KCTD8: variants seen among roughly 807,000 people sequenced by gnomAD.
The protein encoded by KCTD8 is potassium channel tetramerization domain containing 8.
KCTD8 carries 27 observed loss-of-function variants against 31.5 expected under a neutral mutation model. The ratio of observed to expected loss-of-function variants is 0.86; its 90% CI spans 0.63 to 1.18. The LOEUF (loss-of-function observed/expected upper bound fraction) is 1.18. Ranked by LOEUF, KCTD8 falls within the 50% of genes most tolerant of loss-of-function variation. KCTD8 has a pLI of 0.00. For synonymous variants in KCTD8, 290 were observed against 280.0 expected, an observed-to-expected ratio of 1.04 and a Z score of -0.36; for missense variants, 658 against 647.7, an observed-to-expected ratio of 1.02 and a Z score of -0.17.
intron 1 of KCTD8, among the ~76,000 whole-genome samples, chr4:44,280,454 A>T (rs1242893683): frequency 6.6e-6 from 1 of 152,032 alleles, no homozygotes; most frequent in Non-Finnish European, 1.5e-5. Flanking sequence ...CAAATTTAAG[A>T]CCATTCAAAC....
chr4:44,320,498 C>G (rs1295772553), intron 1 of KCTD8, among the ~76,000 whole-genome samples: 1 of 152,106 alleles, frequency 6.6e-6, no homozygotes, highest in Non-Finnish European at 1.5e-5. Context: ...ATAGCTATGC[C>G]TACTCATTGG....
At chr4:44,220,992 T>A (rs1471593343) in intron 1 of KCTD8, among the ~76,000 whole-genome samples, 1 of 152,178 alleles carries the variant, frequency 6.6e-6, no homozygotes, top group East Asian at 1.9e-4. Context: ...AAATCCATCA[T>A]CCTGATATGA....
At chr4:44,365,408 T>C (rs1719605745) in intron 1 of KCTD8, among the ~76,000 whole-genome samples, 1 of 152,098 alleles carries the variant, frequency 6.6e-6, no homozygotes, top group Non-Finnish European at 1.5e-5. Context: ...TTTCAATGTG[T>C]ATAAAGAAAG....
At chr4:44,346,621 C>T (rs571240775) in intron 1 of KCTD8, among the ~76,000 whole-genome samples, 1 of 152,160 alleles carries the variant, frequency 6.6e-6, no homozygotes, top group South Asian at 2.1e-4. Flanking sequence ...TATGCACATA[C>T]AAATGTCACC....
At chr4:44,214,439 A>C (rs536364887) in intron 1 of KCTD8, among the ~76,000 whole-genome samples, 11 of 152,364 alleles carry the variant, frequency 7.2e-5, no homozygotes, top group African/African-American at 2.4e-4. Context: ...GTTCTGCTTA[A>C]AGAGGAAACC....
At chr4:44,353,273 T>C (rs1719258920) in intron 1 of KCTD8, among the ~76,000 whole-genome samples, 1 of 152,090 alleles carries the variant, frequency 6.6e-6, no homozygotes. Context: ...ATCACTGTAG[T>C]TGTGTGTATC....
intron 1 of KCTD8, among the ~76,000 whole-genome samples, chr4:44,186,075 CG>C: frequency 6.6e-6 from 1 of 152,250 alleles, no homozygotes; most frequent in Middle Eastern, 3.4e-3. Context: ...TGGCCTGTCA[CG>C]CCCCAATCCT....
At chr4:44,322,962 G>C (rs1030751166) in intron 1 of KCTD8, among the ~76,000 whole-genome samples, 1 of 152,010 alleles carries the variant, frequency 6.6e-6, no homozygotes, top group Non-Finnish European at 1.5e-5. Context: ...TATTATGCCA[G>C]TACCATGCTA....
At chr4:44,257,578 T>C (rs1716024999) in intron 1 of KCTD8, among the ~76,000 whole-genome samples, 1 of 152,034 alleles carries the variant, frequency 6.6e-6, no homozygotes, top group Non-Finnish European at 1.5e-5. Context: ...TATTTTTCCC[T>C]ATGTCCCTAT....
intron 1 of KCTD8, among the ~76,000 whole-genome samples, chr4:44,298,559 G>T (rs938350989): frequency 1.3e-5 from 2 of 152,134 alleles, no homozygotes; most frequent in Admixed American, 1.3e-4. Context: ...CACCTGAGGG[G>T]AAGAGCTGAC....
intron 1 of KCTD8, among the ~76,000 whole-genome samples, chr4:44,287,877 A>G (rs1717148219): frequency 6.6e-6 from 1 of 152,234 alleles, no homozygotes; most frequent in Non-Finnish European, 1.5e-5. Context: ...ATGTTTCTGC[A>G]TTCATTCAAG....
chr4:44,235,563 A>G (rs1446448436), intron 1 of KCTD8, among the ~76,000 whole-genome samples: 1 of 73,426 alleles, frequency 1.4e-5, no homozygotes, highest in Non-Finnish European at 2.6e-5. Context: ...ATATATATAT[A>G]TATATATATA....
At chr4:44,259,220 T>C (rs1321142419) in intron 1 of KCTD8, among the ~76,000 whole-genome samples, 1 of 151,828 alleles carries the variant, frequency 6.6e-6, no homozygotes. Context: ...GTGGTTTTTT[T>C]TTCAGAGTGG....
intron 1 of KCTD8, among the ~76,000 whole-genome samples, chr4:44,200,893 C>A (rs1319372961): frequency 6.8e-6 from 1 of 147,406 alleles, no homozygotes; most frequent in East Asian, 2.1e-4. Context: ...ATGATATGAT[C>A]TATACAGAGA....
intron 1 of KCTD8, among the ~76,000 whole-genome samples, chr4:44,297,408 A>G (rs951634019): frequency 2.0e-5 from 3 of 152,112 alleles, no homozygotes; most frequent in African/African-American, 7.2e-5. Context: ...TTTTTCACAT[A>G]TAAATAGATA....
intron 1 of KCTD8, among the ~76,000 whole-genome samples, chr4:44,298,406 G>C (rs1577600733): frequency 6.7e-6 from 1 of 149,752 alleles, no homozygotes; most frequent in Admixed American, 6.7e-5. Context: ...CTAATGATCT[G>C]CCCCCCCCAC....
At chr4:44,435,953 A>C (rs1382250090) in intron 1 of KCTD8, among the ~76,000 whole-genome samples, 1 of 152,144 alleles carries the variant, frequency 6.6e-6, no homozygotes, top group Non-Finnish European at 1.5e-5. Flanking sequence ...TTCTTCAGGG[A>C]AAGTTCTTCC....
At chr4:44,348,214 A>G (rs773250669) in intron 1 of KCTD8, among the ~76,000 whole-genome samples, 4 of 152,220 alleles carry the variant, frequency 2.6e-5, no homozygotes, top group Non-Finnish European at 4.4e-5. Flanking sequence ...ATAAAATGGC[A>G]CAGTTAATTG....
intron 1 of KCTD8, among the ~76,000 whole-genome samples, chr4:44,400,211 A>G (rs1261112482): frequency 6.6e-6 from 1 of 152,190 alleles, no homozygotes; most frequent in Admixed American, 6.5e-5. Flanking sequence ...AAATTCTAAA[A>G]TAATGGCTTG....
Sources: allele counts gnomAD v4.1 joint callset (sites outside exome capture counted in the v4.1 genomes callset), GRCh38; gene constraint gnomAD v4.1.1; transcripts MANE v1.5; gene names NCBI Gene and HGNC (gene_info 2026-07-23, HGNC 2026-07-21).